AFAP1: variants seen among roughly 807,000 people sequenced by gnomAD.
The protein encoded by AFAP1 is actin filament-associated protein 1.
Under a neutral mutation model 93.9 loss-of-function variants are expected in AFAP1, and 75 were observed. The ratio of observed to expected loss-of-function variants is 0.80; its 90% CI spans 0.66 to 0.97. The LOEUF (loss-of-function observed/expected upper bound fraction) is 0.97. Ranked by LOEUF, AFAP1 falls within the 50% of genes least tolerant of loss-of-function variation. The pLI, the probability that AFAP1 is intolerant of heterozygous loss-of-function variation, is 0.00. For synonymous variants in AFAP1, 517 were observed against 430.7 expected (o/e 1.20, Z -2.48); for missense variants, 1,201 against 1,050.8 (o/e 1.14, Z -1.98).
At chr4:7,894,700 C>T (rs990373784) in intron 1 of AFAP1, among the ~76,000 whole-genome samples, 20 of 152,160 alleles carry the variant, frequency 1.3e-4, no homozygotes, top group South Asian at 4.1e-4. Context: ...ACCAGCCCTT[C>T]GCATCATGTG....
At chr4:7,792,425 C>G (rs1717946220) in intron 11 of AFAP1, among the ~76,000 whole-genome samples, 1 of 152,150 alleles carries the variant, frequency 6.6e-6, no homozygotes, top group Non-Finnish European at 1.5e-5. Flanking sequence ...CTCACCACGG[C>G]AGATGCAAAT....
At chr4:7,884,610 G>A (rs1315448014) in intron 1 of AFAP1, among the ~76,000 whole-genome samples, 1 of 152,038 alleles carries the variant, frequency 6.6e-6, no homozygotes, top group African/African-American at 2.4e-5. Context: ...TAATAACTGG[G>A]GTTGGGACAA....
chr4:7,877,397 G>T (rs974623566), intron 1 of AFAP1, among the ~76,000 whole-genome samples: 1 of 152,236 alleles, frequency 6.6e-6, no homozygotes, highest in African/African-American at 2.4e-5. Context: ...AAGAACTCCT[G>T]TGTCAGCTTT....
chr4:7,917,897 C>T (rs1166741782), intron 1 of AFAP1, among the ~76,000 whole-genome samples: 2 of 152,192 alleles, frequency 1.3e-5, no homozygotes, highest in African/African-American at 2.4e-5. Flanking sequence ...ACACTCAGCA[C>T]CGCAAAGAGA....
intron 15 of AFAP1, chr4:7,773,703 C>T (rs1360562184): frequency 1.3e-5 from 2 of 152,606 alleles, no homozygotes. Context: ...CATTAAACTC[C>T]ATGCCCCGTC....
chr4:7,798,652 T>A (rs1437081945), intron 10 of AFAP1, among the ~76,000 whole-genome samples: 1 of 152,222 alleles, frequency 6.6e-6, no homozygotes, highest in Non-Finnish European at 1.5e-5. Flanking sequence ...TTCAGGAAAC[T>A]GCGTCTACTC....
chr4:7,792,150 T>C (rs2149007334), intron 11 of AFAP1, among the ~76,000 whole-genome samples: 1 of 152,314 alleles, frequency 6.6e-6, no homozygotes. Context: ...TTTTCTGAGC[T>C]GTAGTGACAC....
At chr4:7,835,925 G>A (rs969670158) in intron 6 of AFAP1, among the ~76,000 whole-genome samples, 2 of 152,132 alleles carry the variant, frequency 1.3e-5, no homozygotes, top group Non-Finnish European at 2.9e-5. Flanking sequence ...ACCCTGAATT[G>A]AGAATAAACT....
At chr4:7,933,187 G>C (rs1192154008) in intron 1 of AFAP1, among the ~76,000 whole-genome samples, 1 of 152,066 alleles carries the variant, frequency 6.6e-6, no homozygotes, top group Non-Finnish European at 1.5e-5. Context: ...CTGTGACTAC[G>C]TCACACGGCA....
At chr4:7,834,481 C>T (rs1257964899) in intron 6 of AFAP1, among the ~76,000 whole-genome samples, 1 of 152,236 alleles carries the variant, frequency 6.6e-6, no homozygotes, top group Non-Finnish European at 1.5e-5. Context: ...TGTCACCAAA[C>T]ACCACCTGTT....
In AFAP1 at chr4:7,763,773, C is replaced by T. The variant is rs1407197582; in HGVS notation, c.2437G>A (p.Gly813Arg). The change falls in exon 18 of 18, where the codon GGG becomes AGG. Residue 813 changes from glycine (G) to arginine (R), a missense_variant. Physicochemically the swap from Gly to Arg is moderately radical, Grantham distance 125 (BLOSUM62 -2). Transcript: ENST00000420658. Reference sequence around the variant, plus strand: ...AGTGGTGCTGCTGTCCCCTAGGTCCCGTTCTTCAATTCCCATTCCTAGAGG... The same window carrying T: ...AGTGGTGCTGCTGTCCCCTAGGTCCTGTTCTTCAATTCCCATTCCTAGAGG... ...RKAKEWELKN[G>R]T is the part of the protein sequence containing the mutation. 1.4e-5 allele frequency: 22 copies of T among 1,551,606 alleles called. No individual in the cohort carries two copies. The highest frequency in any genetic ancestry group is 1.7e-5 in the Non-Finnish European group (19 of 1,146,946).
chr4:7,869,095 AAG>A (rs1028792639), intron 2 of AFAP1, among the ~76,000 whole-genome samples: 75 of 151,848 alleles, frequency 4.9e-4, no homozygotes, highest in Middle Eastern at 3.4e-3. Context: ...GAGAAAGAAA[AAG>A]AGAAAGGGAA....
At chr4:7,782,438 A>T (rs1462721107) in intron 12 of AFAP1, among the ~76,000 whole-genome samples, 2 of 152,264 alleles carry the variant, frequency 1.3e-5, no homozygotes, top group Non-Finnish European at 2.9e-5. Flanking sequence ...CGTCTGTGAA[A>T]AGAGAAATCA....
intron 8 of AFAP1, among the ~76,000 whole-genome samples, chr4:7,811,565 C>G (rs4689872): frequency 0.52 from 78,344 of 151,898 alleles, 20,433 homozygotes; most frequent in Admixed American, 0.59. Context: ...GCAGAACATA[C>G]CCCTGGTGTC....
chr4:7,898,134 G>A (rs189287391), intron 1 of AFAP1, among the ~76,000 whole-genome samples: 1 of 152,144 alleles, frequency 6.6e-6, no homozygotes, highest in African/African-American at 2.4e-5. Flanking sequence ...CAATCACCGG[G>A]GACAGTGGCT....
rs556354979 is a variant in AFAP1, at chr4:7,793,720, A to G, written c.1373T>C (p.Met458Thr). 7.0e-6 allele frequency: 11 copies of G among 1,576,598 alleles called. No individual in the cohort carries two copies. The Admixed American group carries it at 1.7e-4, about 24-fold the overall frequency. Reference sequence around the variant, plus strand: ...GGCTGTCTGAATGACACTTGCAGACATCTCCACATCAATGTAGTCATAGTG... The same window carrying G: ...GGCTGTCTGAATGACACTTGCAGACGTCTCCACATCAATGTAGTCATAGTG... Reference protein sequence around the residue: ...ALHYDYIDVEMSASVIQTAKQ... With the variant: ...ALHYDYIDVETSASVIQTAKQ... The change falls in exon 11 of 18, where the codon ATG becomes ACG. Residue 458 changes from methionine (M) to threonine (T), a missense_variant. Transcript: ENST00000420658.
chr4:7,811,971 G>A (rs185036788), intron 8 of AFAP1, among the ~76,000 whole-genome samples: 7 of 103,476 alleles, frequency 6.8e-5, no homozygotes, highest in Middle Eastern at 7.0e-3. Flanking sequence ...CTCCCAACAC[G>A]TACACACCCT....
intron 1 of AFAP1, among the ~76,000 whole-genome samples, chr4:7,899,311 C>T (rs930147722): frequency 6.6e-6 from 1 of 152,132 alleles, no homozygotes; most frequent in Non-Finnish European, 1.5e-5. Flanking sequence ...AGGGTTAGTC[C>T]TGGAGCCTAG....
intron 16 of AFAP1, chr4:7,772,540 G>T (rs540755953): frequency 1.4e-5 from 5 of 350,664 alleles, no homozygotes; most frequent in Admixed American, 8.8e-5. Flanking sequence ...GAGACACGAG[G>T]ACTGGATCTG....
Sources: gnomAD v4.1 joint callset for allele counts (sites outside exome capture counted in the v4.1 genomes callset) on GRCh38, gnomAD v4.1.1 for gene constraint, MANE v1.5 for transcripts, NCBI Gene and HGNC (gene_info 2026-07-23, HGNC 2026-07-21) for gene names.